NELL1: variants seen among roughly 807,000 people sequenced by gnomAD.
NELL1 encodes neural EGFL like 1.
NELL1 carries 76 observed loss-of-function variants against 107.4 expected under a neutral mutation model. That is an observed-to-expected ratio of 0.71 (90% CI 0.59 to 0.86). NELL1 has a LOEUF of 0.86. Among genes scored for constraint, NELL1 ranks in the 40% least tolerant of loss-of-function variants. The probability of loss-of-function intolerance (pLI) is 0.00; values close to 1 mark genes in which losing one functional copy is unlikely to be tolerated. For missense variants in NELL1, 1,024 were observed against 1,005.5 expected (o/e 1.02, Z -0.25); for synonymous variants, 353 against 341.2 (o/e 1.03, Z -0.38).
intron 14 of NELL1, among the ~76,000 whole-genome samples, chr11:21,255,981 C>A (rs1303250881): frequency 6.6e-6 from 1 of 152,012 alleles, no homozygotes. Context: ...CCATTGCAGA[C>A]AATTCTTACC....
At chr11:21,473,917 G>T (rs1854251641) in intron 15 of NELL1, among the ~76,000 whole-genome samples, 1 of 152,024 alleles carries the variant, frequency 6.6e-6, no homozygotes, top group Non-Finnish European at 1.5e-5. Context: ...TGTCTGTTCA[G>T]ATAATCTAAA....
chr11:21,276,375 C>A (rs922022587), intron 14 of NELL1, among the ~76,000 whole-genome samples: 1 of 152,136 alleles, frequency 6.6e-6, no homozygotes, highest in African/African-American at 2.4e-5. Context: ...GAACTACAAA[C>A]CACTGCTCAA....
intron 15 of NELL1, among the ~76,000 whole-genome samples, chr11:21,373,617 T>C (rs900085065): frequency 6.6e-6 from 1 of 152,118 alleles, no homozygotes; most frequent in Non-Finnish European, 1.5e-5. Context: ...GTTAAATAAT[T>C]TGTTAAAGAA....
intron 2 of NELL1, among the ~76,000 whole-genome samples, chr11:20,781,365 T>A (rs530717773): frequency 2.6e-5 from 4 of 151,822 alleles, no homozygotes; most frequent in African/African-American, 9.7e-5. Flanking sequence ...CAATTTGAAA[T>A]GCTTGAAGGT....
At chr11:21,243,763 AT>A (rs1262773197) in intron 14 of NELL1, among the ~76,000 whole-genome samples, 2 of 152,136 alleles carry the variant, frequency 1.3e-5, no homozygotes, top group Non-Finnish European at 1.5e-5. Flanking sequence ...GACTAGCGAC[AT>A]TTCAAGTGCT....
Position 21,183,039 on chromosome 11 carries a change from G to A in NELL1, c.1427-46293G>A, listed in dbSNP as rs545123775. Among the ~76,000 whole-genome samples, 444 of 151,902 alleles carry A rather than the reference G, an allele frequency of 2.9e-3. 11 individuals carry two copies. Among genetic ancestry groups the A allele is most frequent in the African/African-American group, 0.01 (427 of 41,216 alleles). ...ATATGGGCAGAGCCTGAGAGGGAACGGCTGGCAAAATAAAGATGTGGTGTT... is the reference window on the plus strand; with the variant it reads ...ATATGGGCAGAGCCTGAGAGGGAACAGCTGGCAAAATAAAGATGTGGTGTT... On this transcript the variant is annotated intron_variant, in intron 13 of 19. Transcript: ENST00000357134.
At chr11:21,347,872 G>A (rs1026882301) in intron 14 of NELL1, among the ~76,000 whole-genome samples, 3 of 152,128 alleles carry the variant, frequency 2.0e-5, no homozygotes, top group African/African-American at 7.2e-5. Flanking sequence ...GGTAGTATGT[G>A]GAGCCAAGGG....
chr11:21,526,950 G>A (rs191448291), intron 15 of NELL1, among the ~76,000 whole-genome samples: 1 of 152,292 alleles, frequency 6.6e-6, no homozygotes, highest in East Asian at 1.9e-4. Flanking sequence ...ATTAGCATTT[G>A]GCTCATTACT....
rs1851344501 is a variant in NELL1 at position 21,370,890 on chromosome 11, T to C, written c.1587T>C (p.Cys529=). 4 of 1,611,962 alleles carry C rather than the reference T, an allele frequency of 2.5e-6. No individual in the cohort carries two copies. The highest frequency in any genetic ancestry group is 1.1e-5 in the South Asian group (1 of 90,808). Residue 529 remains cysteine (C), a synonymous_variant, in exon 15 of 20, where the codon TGT becomes TGC. Coordinates refer to ENST00000357134, the MANE Select transcript of NELL1 (RefSeq NM_006157.5). ...CEEGCRYGGT[C]VAPNKCVCPS... Reference sequence around the variant, plus strand: ...AGGGCTGCAGATACGGTGGAACGTGTGTGGCTCCCAACAAATGTGTCTGTC... The same window carrying C: ...AGGGCTGCAGATACGGTGGAACGTGCGTGGCTCCCAACAAATGTGTCTGTC...
At chr11:21,282,792 A>T (rs538742746) in intron 14 of NELL1, among the ~76,000 whole-genome samples, 1 of 152,310 alleles carries the variant, frequency 6.6e-6, no homozygotes, top group South Asian at 2.1e-4. Context: ...TAAAGAAATG[A>T]ATAGACAAAG....
chr11:21,421,614 T>C (rs1167800831), intron 15 of NELL1, among the ~76,000 whole-genome samples: 1 of 151,516 alleles, frequency 6.6e-6, no homozygotes, highest in African/African-American at 2.4e-5. Flanking sequence ...ACAGCATTAC[T>C]GTAAGCTACT....
At chr11:20,772,470 G>T (rs1856659213) in intron 2 of NELL1, among the ~76,000 whole-genome samples, 1 of 152,072 alleles carries the variant, frequency 6.6e-6, no homozygotes, top group African/African-American at 2.4e-5. Context: ...CCATTTAATT[G>T]GTTTTATGAA....
intron 3 of NELL1, among the ~76,000 whole-genome samples, chr11:20,819,382 C>T (rs1048290732): frequency 6.6e-6 from 1 of 152,158 alleles, no homozygotes; most frequent in African/African-American, 2.4e-5. Flanking sequence ...GGTACCTGTA[C>T]TTTGTCTTTC....
intron 12 of NELL1, among the ~76,000 whole-genome samples, chr11:21,002,637 A>C (rs2134275519): frequency 6.6e-6 from 1 of 152,254 alleles, no homozygotes; most frequent in Non-Finnish European, 1.5e-5. Context: ...GCTCCATCCA[A>C]AAAATATGGC....
rs981663650 is a variant in NELL1 at position 20,918,341 on chromosome 11, G to C, written c.676+87G>C. ...ACATCTGGAAAGATAGACCCAAATT[G>C]TTTACAGTGTTGACTTCTGAGGTGC... On this transcript the variant is annotated intron_variant, in intron 6 of 19. Transcript: ENST00000357134. 3.8e-6 allele frequency: 3 copies of C among 795,094 alleles called. No individual in the cohort carries two copies. In the Admixed American group the frequency reaches 5.7e-5, roughly 15 times the overall value. The allele number at this position is 795,094 out of a possible 1,614,324, so 49.3% of individuals were successfully genotyped here.
intron 5 of NELL1, among the ~76,000 whole-genome samples, chr11:20,890,748 A>G (rs1042845604): frequency 5.3e-5 from 8 of 152,178 alleles, no homozygotes; most frequent in African/African-American, 1.7e-4. Flanking sequence ...GACCAAGCAG[A>G]AAAAAGGACA....
chr11:20,835,993 A>G (rs1447620695), intron 3 of NELL1, among the ~76,000 whole-genome samples: 1 of 152,162 alleles, frequency 6.6e-6, no homozygotes, highest in Non-Finnish European at 1.5e-5. Flanking sequence ...TAAAAAAACA[A>G]GTTATAGATT....
chr11:21,366,923 T>C (rs922267549), intron 14 of NELL1, among the ~76,000 whole-genome samples: 1 of 152,112 alleles, frequency 6.6e-6, no homozygotes, highest in African/African-American at 2.4e-5. Context: ...TTTTTATTAG[T>C]GTAGAACTGC....
chr11:21,426,118 T>C (rs912987857), intron 15 of NELL1, among the ~76,000 whole-genome samples: 1 of 152,222 alleles, frequency 6.6e-6, no homozygotes, highest in African/African-American at 2.4e-5. Context: ...TTTTGTTTAC[T>C]GGTGGAATTC....
Sources: gnomAD v4.1 joint callset for allele counts (sites outside exome capture counted in the v4.1 genomes callset) on GRCh38, gnomAD v4.1.1 for gene constraint, MANE v1.5 for transcripts, NCBI Gene and HGNC (gene_info 2026-07-23, HGNC 2026-07-21) for gene names.